The following SATB2 variants were observed in gnomAD, a reference collection of about 807,000 sequenced individuals.
SATB2 encodes DNA-binding protein SATB2.
In SATB2, 1 loss-of-function variant was observed where a neutral mutation model predicts 73.4. The ratio of observed to expected loss-of-function variants is 0.01; its 90% CI spans 0.00 to 0.06. The LOEUF is 0.06. SATB2 is among the 10% of genes least tolerant of loss of function. SATB2 has a pLI of 1.00. For missense variants in SATB2, 459 were observed against 945.8 expected, an observed-to-expected ratio of 0.49 and a Z score of 6.75; for synonymous variants, 397 against 367.0, an observed-to-expected ratio of 1.08 and a Z score of -0.93.
chr2:199,431,909 T>C (rs929983817), intron 3 of SATB2, among the ~76,000 whole-genome samples: 4 of 152,126 alleles, frequency 2.6e-5, no homozygotes, highest in Non-Finnish European at 4.4e-5. Context: ...TAAAGTGGCA[T>C]GAAAAGTTTG....
intron 6 of SATB2, among the ~76,000 whole-genome samples, chr2:199,358,354 T>C (rs1427497619): frequency 3.9e-5 from 6 of 152,114 alleles, no homozygotes; most frequent in East Asian, 1.9e-4. Flanking sequence ...CCAAAGCTAA[T>C]AGATCTCTCA....
At chr2:199,350,112 A>C (rs1688771099) in intron 6 of SATB2, among the ~76,000 whole-genome samples, 1 of 152,186 alleles carries the variant, frequency 6.6e-6, no homozygotes, top group Admixed American at 6.5e-5. Context: ...GTGTAATATA[A>C]TCTAACAAGA....
At chr2:199,279,206 T>C (rs1260631575) in intron 10 of SATB2, among the ~76,000 whole-genome samples, 1 of 152,220 alleles carries the variant, frequency 6.6e-6, no homozygotes, top group Non-Finnish European at 1.5e-5. Context: ...CCAAAGTTCC[T>C]TGCCCAGTCA....
chr2:199,402,336 G>A (rs1338143894), intron 3 of SATB2, among the ~76,000 whole-genome samples: 1 of 152,118 alleles, frequency 6.6e-6, no homozygotes, highest in Admixed American at 6.5e-5. Context: ...AGTGAGCTGA[G>A]ATCACGCCAC....
At chr2:199,312,560 A>C (rs6706998) in intron 9 of SATB2, among the ~76,000 whole-genome samples, 143,623 of 152,204 alleles carry the variant, frequency 0.94, 68,341 homozygotes, top group East Asian at 1. Context: ...AAATAGTTAC[A>C]CTGTTCAAGC....
intron 9 of SATB2, among the ~76,000 whole-genome samples, chr2:199,316,861 T>C (rs1313858833): frequency 6.6e-6 from 1 of 152,062 alleles, no homozygotes; most frequent in African/African-American, 2.4e-5. Flanking sequence ...AGAATGAATC[T>C]AGAATCCTGG....
chr2:199,320,826 G>A (rs1687863951), intron 9 of SATB2, among the ~76,000 whole-genome samples: 1 of 152,040 alleles, frequency 6.6e-6, no homozygotes, highest in Non-Finnish European at 1.5e-5. Context: ...AACACACAGG[G>A]CAGTGTTAGA....
chr2:199,284,558 A>C (rs985804861), intron 10 of SATB2, among the ~76,000 whole-genome samples: 4 of 152,196 alleles, frequency 2.6e-5, no homozygotes, highest in African/African-American at 4.8e-5. Context: ...ATATTGTATT[A>C]GATTAAATGC....
At chr2:199,290,818 G>T (rs1692835257) in intron 10 of SATB2, among the ~76,000 whole-genome samples, 1 of 152,030 alleles carries the variant, frequency 6.6e-6, no homozygotes, top group African/African-American at 2.4e-5. Context: ...ACTATCACTA[G>T]AACTTAAAGG....
chr2:199,329,587 T>C (rs1253914786), intron 7 of SATB2, among the ~76,000 whole-genome samples: 1 of 152,042 alleles, frequency 6.6e-6, no homozygotes, highest in Non-Finnish European at 1.5e-5. Context: ...ATGTCACCAT[T>C]AAAGCAATGA....
At chr2:199,285,059 G>C (rs2105731692) in intron 10 of SATB2, among the ~76,000 whole-genome samples, 1 of 152,206 alleles carries the variant, frequency 6.6e-6, no homozygotes, top group East Asian at 1.9e-4. Flanking sequence ...GGGGATGACT[G>C]TGTATTATCT....
intron 2 of SATB2, among the ~76,000 whole-genome samples, chr2:199,449,483 G>T (rs12052451): frequency 0.15 from 23,304 of 152,100 alleles, 2,058 homozygotes; most frequent in East Asian, 0.43. Context: ...AAACACTGTA[G>T]CATGTTATGC....
intron 4 of SATB2, among the ~76,000 whole-genome samples, chr2:199,381,092 C>T (rs547192663): frequency 6.6e-6 from 1 of 152,210 alleles, no homozygotes; most frequent in South Asian, 2.1e-4. Flanking sequence ...TAAAAGACTG[C>T]AAAGAACCTC....
chr2:199,431,713 C>G (rs1691506329), intron 3 of SATB2, among the ~76,000 whole-genome samples: 1 of 152,080 alleles, frequency 6.6e-6, no homozygotes, highest in African/African-American at 2.4e-5. Flanking sequence ...TCCTGAGAGC[C>G]CCTTCCCTCA....
At chr2:199,325,378 A>G (rs1393379950) in intron 8 of SATB2, 1 of 152,190 alleles carries the variant, frequency 6.6e-6, no homozygotes, top group African/African-American at 2.4e-5. Flanking sequence ...AGGAACCATG[A>G]TCTGAACGCA....
At chr2:199,338,672 C>T (rs1688411127) in intron 7 of SATB2, among the ~76,000 whole-genome samples, 1 of 152,000 alleles carries the variant, frequency 6.6e-6, no homozygotes, top group Non-Finnish European at 1.5e-5. Flanking sequence ...AATCCCAGCA[C>T]TTTGGGAAGC....
chr2:199,427,968 T>G (rs543664439), intron 3 of SATB2, among the ~76,000 whole-genome samples: 2 of 152,256 alleles, frequency 1.3e-5, no homozygotes, highest in East Asian at 3.9e-4. Flanking sequence ...ATATCCTTGG[T>G]ATTTTGGTTT....
upstream of SATB2, among the ~76,000 whole-genome samples, chr2:199,461,970 G>C (rs1692485389): frequency 6.6e-6 from 1 of 152,198 alleles, no homozygotes; most frequent in African/African-American, 2.4e-5. Flanking sequence ...GCGTAGGCCT[G>C]GGCGCCTGGG....
At chr2:199,446,550 AT>A (rs1343426675) in intron 2 of SATB2, among the ~76,000 whole-genome samples, 2 of 152,238 alleles carry the variant, frequency 1.3e-5, no homozygotes, top group African/African-American at 4.8e-5. Flanking sequence ...AAAAGACATT[AT>A]GCCAAGTTCC....
Sources: gnomAD v4.1 joint callset for allele counts (sites outside exome capture counted in the v4.1 genomes callset) on GRCh38, gnomAD v4.1.1 for gene constraint, MANE v1.5 for transcripts, NCBI Gene and HGNC (gene_info 2026-07-23, HGNC 2026-07-21) for gene names.